Variants in AK7 observed in about 807,000 individuals in gnomAD.
AK7 encodes adenylate kinase 7, also known as ATP-AMP transphosphorylase 7.
AK7 carries 78 observed loss-of-function variants against 96.6 expected under a neutral mutation model. The ratio of observed to expected loss-of-function variants is 0.81; its 90% confidence interval spans 0.67 to 0.97. The LOEUF (loss-of-function observed/expected upper bound fraction) is 0.97, where lower values mean the gene tolerates loss of function less well. AK7 is among the 50% of genes least tolerant of loss of function. The pLI, the probability that AK7 is intolerant of heterozygous loss-of-function variation, is 0.00. For synonymous variants in AK7, 302 were observed against 317.2 expected, an observed-to-expected ratio of 0.95 and a Z score of 0.51; for missense variants, 855 against 887.9, an observed-to-expected ratio of 0.96 and a Z score of 0.47.
intron 11 of AK7, chr14:96,456,979 CT>C: frequency 5.1e-6 from 1 of 197,876 alleles, no homozygotes; most frequent in Non-Finnish European, 1.1e-5. Flanking sequence ...CCTTCTTGGC[CT>C]TCAAAGGTTT....
intron 12 of AK7, among the ~76,000 whole-genome samples, chr14:96,464,283 G>A (rs528458404): frequency 9.9e-5 from 15 of 152,050 alleles, no homozygotes; most frequent in Non-Finnish European, 1.8e-4. Flanking sequence ...TTGGCCAGGC[G>A]CAGTGGCTCA....
chr14:96,428,341 A>G (rs927815857), intron 5 of AK7, among the ~76,000 whole-genome samples: 1 of 151,944 alleles, frequency 6.6e-6, no homozygotes, highest in African/African-American at 2.4e-5. Context: ...TATGTGCCAC[A>G]TTTTCTTAAT....
At chr14:96,398,045 AC>A in intron 1 of AK7, 29 bp from the exon 2 acceptor site, 1 of 1,601,944 alleles carries the variant, frequency 6.2e-7, no homozygotes, top group Non-Finnish European at 8.5e-7. Flanking sequence ...ATTTTCTCTT[AC>A]CATTTGGGAA....
chr14:96,469,070 G>T (rs1181330356), intron 12 of AK7, among the ~76,000 whole-genome samples: 1 of 152,104 alleles, frequency 6.6e-6, no homozygotes, highest in Non-Finnish European at 1.5e-5. Context: ...GCTGCTGGAG[G>T]TCCCTTCTTA....
At chr14:96,466,441 C>T (rs11844986) in intron 12 of AK7, among the ~76,000 whole-genome samples, 11,396 of 151,858 alleles carry the variant, frequency 0.075, 1,454 homozygotes, top group African/African-American at 0.26. Context: ...GGTTTCACCA[C>T]GTTAGCCAGG....
At chr14:96,406,413 T>C (rs1890715771) in intron 3 of AK7, among the ~76,000 whole-genome samples, 1 of 152,132 alleles carries the variant, frequency 6.6e-6, no homozygotes, top group African/African-American at 2.4e-5. Flanking sequence ...AAATGTAGAG[T>C]GTTTTACTGC....
At chr14:96,450,998 C>T (rs575767369) in intron 9 of AK7, among the ~76,000 whole-genome samples, 4 of 151,774 alleles carry the variant, frequency 2.6e-5, no homozygotes, top group African/African-American at 9.7e-5. Context: ...ATGATCTTGA[C>T]CACCTGACCT....
In AK7 at chr14:96,487,048, G is replaced by T. The variant is rs954544165; in HGVS notation, c.2125G>T (p.Asp709Tyr). The T allele has an allele frequency of 6.2e-7, 1 of 1,613,866 alleles. No individual in the cohort carries two copies. Among genetic ancestry groups the T allele is most frequent in the Non-Finnish European group, 8.5e-7 (1 of 1,179,970 alleles). ...CAACGTCCGACCCGAAGACCCTGTT[G>T]ATTTTCTGGTAACATATTTAATTTT... ...CCNVRPEDPVDFLAEYLFKNN... is the reference protein window; with the variant it reads ...CCNVRPEDPVYFLAEYLFKNN... Residue 709 changes from aspartate to tyrosine, a missense_variant, in exon 17 of 18, where the codon GAT (aspartate) becomes TAT (tyrosine). Physicochemically the swap from Asp to Tyr is radical, Grantham distance 160 (BLOSUM62 -3). Transcript: ENST00000267584.
At chr14:96,410,631 C>T (rs1890978720) in intron 4 of AK7, among the ~76,000 whole-genome samples, 2 of 152,182 alleles carry the variant, frequency 1.3e-5, no homozygotes, top group African/African-American at 4.8e-5. Context: ...TTGTGGCATG[C>T]CCTCATCCTG....
At chr14:96,423,001 C>G (rs1185168518) in intron 5 of AK7, among the ~76,000 whole-genome samples, 1 of 152,182 alleles carries the variant, frequency 6.6e-6, no homozygotes, top group African/African-American at 2.4e-5. Context: ...CAACTCCAGA[C>G]CAGCTTTTCT....
intron 4 of AK7, among the ~76,000 whole-genome samples, chr14:96,412,217 T>C (rs1296156767): frequency 2.5e-5 from 3 of 122,088 alleles, no homozygotes; most frequent in South Asian, 2.7e-4. Flanking sequence ...TTTCTTCCTT[T>C]CTTTCTTTCT....
At chr14:96,412,779 C>G (rs1254455842) in intron 4 of AK7, among the ~76,000 whole-genome samples, 2 of 151,998 alleles carry the variant, frequency 1.3e-5, no homozygotes, top group African/African-American at 2.4e-5. Flanking sequence ...GTTGGCCAGG[C>G]TGGTCTCAAA....
intron 3 of AK7, among the ~76,000 whole-genome samples, 154 bp from the exon 4 acceptor site, chr14:96,408,693 A>C (rs1890865440): frequency 6.6e-6 from 1 of 152,230 alleles, no homozygotes; most frequent in Non-Finnish European, 1.5e-5. Context: ...AGCAGGGGGA[A>C]TTTGAAGAAC....
chr14:96,442,938 C>A, intron 7 of AK7, 120 bp downstream of exon 7: 1 of 875,214 alleles, frequency 1.1e-6, no homozygotes, highest in Non-Finnish European at 1.9e-6. Flanking sequence ...TGTGTTCATT[C>A]TTCGTAACAA....
chr14:96,404,414 A>G (rs529451206), intron 2 of AK7, among the ~76,000 whole-genome samples: 22 of 152,320 alleles, frequency 1.4e-4, no homozygotes, highest in Middle Eastern at 6.8e-3. Context: ...ATAATCTTGC[A>G]TAGAGTTTGA....
At chr14:96,433,100 A>AC (rs1230107563) in intron 5 of AK7, among the ~76,000 whole-genome samples, 21 of 152,116 alleles carry the variant, frequency 1.4e-4, no homozygotes, top group African/African-American at 5.1e-4. Flanking sequence ...GCTGCCCTTA[A>AC]CATTTTTTCC....
At chr14:96,438,219 C>T (rs1287149688) in intron 6 of AK7, among the ~76,000 whole-genome samples, 1 of 152,082 alleles carries the variant, frequency 6.6e-6, no homozygotes, top group Non-Finnish European at 1.5e-5. Context: ...TAATAAAGTC[C>T]CTCCTCTTGC....
chr14:96,394,366 A>G (rs916944462), intron 1 of AK7, among the ~76,000 whole-genome samples: 5 of 152,240 alleles, frequency 3.3e-5, no homozygotes, highest in African/African-American at 1.2e-4. Flanking sequence ...TTTTAAAATC[A>G]GAAGGAAACA....
At chr14:96,403,545 T>G (rs1230909800) in intron 2 of AK7, among the ~76,000 whole-genome samples, 1 of 152,234 alleles carries the variant, frequency 6.6e-6, no homozygotes, top group Non-Finnish European at 1.5e-5. Flanking sequence ...TAGTGCATGC[T>G]GTTGAATTTA....
Sources: allele counts gnomAD v4.1 joint callset (sites outside exome capture counted in the v4.1 genomes callset), GRCh38; gene constraint gnomAD v4.1.1; transcripts MANE v1.5; gene names NCBI Gene and HGNC (gene_info 2026-07-23, HGNC 2026-07-21).